The following IREB2 variants were observed in gnomAD, a reference collection of about 807,000 sequenced individuals.
IREB2 encodes iron responsive element binding protein 2.
In IREB2, 39 loss-of-function variants were observed where a neutral mutation model predicts 118.8. That is an observed-to-expected ratio of 0.33 (90% CI 0.25 to 0.43). IREB2 has a LOEUF of 0.43. IREB2 is among the 20% of genes least tolerant of loss of function. The pLI, the probability that IREB2 is intolerant of heterozygous loss-of-function variation, is 1.00. For synonymous variants in IREB2, 372 were observed against 392.2 expected, an observed-to-expected ratio of 0.95 and a Z score of 0.61; for missense variants, 900 against 1,147.3, an observed-to-expected ratio of 0.78 and a Z score of 3.11.
At chr15:78,489,493 ATATT>A (rs553097250) in intron 16 of IREB2, among the ~76,000 whole-genome samples, 2 of 152,110 alleles carry the variant, frequency 1.3e-5, no homozygotes, top group South Asian at 2.1e-4. Flanking sequence ...AAATTATGCA[ATATT>A]TATTATTTTT....
At chr15:78,489,984 T>G (rs16969899) in intron 16 of IREB2, among the ~76,000 whole-genome samples, 24,270 of 152,270 alleles carry the variant, frequency 0.16, 1,992 homozygotes, top group African/African-American at 0.17. Flanking sequence ...CTTTAACTTT[T>G]TTGGACTCTG....
chr15:78,475,080 A>AG (rs2051446230), intron 8 of IREB2: 1 of 151,542 alleles, frequency 6.6e-6, no homozygotes, highest in African/African-American at 2.4e-5. Flanking sequence ...AAAAAAAAAA[A>AG]AAAAAACCAT....
rs1014075603 is a variant in IREB2, at chr15:78,450,874, A to G, written c.106+10993A>G. ...TGTGTGTGTGTGTGTGTGTGTGTGT[A>G]TTTTAATATACAATGTAATGGTGTC... is the stretch of plus-strand genomic sequence containing the variant. On this transcript the variant is annotated intron_variant, in intron 2 of 21. Coordinates refer to ENST00000258886, the MANE Select transcript of IREB2 (RefSeq NM_004136.4). Among the ~76,000 whole-genome samples the G allele has an allele frequency of 4.0e-3, 481 of 119,572 alleles. 3 individuals are homozygous for G. The highest frequency in any genetic ancestry group is 0.015 in the African/African-American group (463 of 31,604). The allele number at this position is 119,572 out of a possible 152,430, so 78.4% of individuals were successfully genotyped here. A position where few individuals can be genotyped will look rare whatever the true frequency, so the allele number is the denominator to read the frequency against.
Position 78,438,435 on chromosome 15 carries a change from C to T in IREB2, c.19+79C>T, listed in dbSNP as rs530262548. 1.5e-5 allele frequency: 22 copies of T among 1,506,180 alleles called. No homozygotes were observed. The Admixed American group carries it at 2.0e-4, about 13-fold the overall frequency. 93.3% of individuals were successfully genotyped at this position (1,506,180 alleles called of 1,614,324 possible). A position where few individuals can be genotyped will look rare whatever the true frequency, so the allele number is the denominator to read the frequency against. On this transcript the variant is annotated intron_variant, in intron 1 of 21. Transcript: ENST00000258886. ...GGCGCCGAATTCCTTGCTTTTCTCG[C>T]CTGGAGTCGCTCGGCAGGCGCCCAG...
At chr15:78,467,448 T>C (rs947833140) in intron 5 of IREB2, among the ~76,000 whole-genome samples, 2 of 152,178 alleles carry the variant, frequency 1.3e-5, no homozygotes, top group Non-Finnish European at 2.9e-5. Flanking sequence ...TTCCAGCACT[T>C]TGGGAGGCCG....
At chr15:78,450,521 C>A (rs1417161480) in intron 2 of IREB2, among the ~76,000 whole-genome samples, 1 of 152,124 alleles carries the variant, frequency 6.6e-6, no homozygotes, top group Non-Finnish European at 1.5e-5. Flanking sequence ...CTCTGGAGTG[C>A]AGGCAGGGAT....
chr15:78,453,221 A>G (rs1455218020), intron 2 of IREB2, among the ~76,000 whole-genome samples: 1 of 152,260 alleles, frequency 6.6e-6, no homozygotes, highest in Non-Finnish European at 1.5e-5. Context: ...TCTTCCAACA[A>G]TATGTTAGAA....
At chr15:78,458,341 A>G (rs749160220) in intron 2 of IREB2, among the ~76,000 whole-genome samples, 4 of 152,206 alleles carry the variant, frequency 2.6e-5, no homozygotes, top group Non-Finnish European at 5.9e-5. Context: ...ATAAATATAC[A>G]GCTCTGGTGG....
intron 21 of IREB2, among the ~76,000 whole-genome samples, chr15:78,497,663 T>G (rs1358305933): frequency 6.6e-6 from 1 of 152,132 alleles, no homozygotes; most frequent in Non-Finnish European, 1.5e-5. Context: ...AGTTGAGCGT[T>G]CAAAGTTAGA....
chr15:78,451,614 T>C (rs2051025746), intron 2 of IREB2, among the ~76,000 whole-genome samples: 1 of 152,174 alleles, frequency 6.6e-6, no homozygotes, highest in Admixed American at 6.5e-5. Context: ...GTATCCCTAA[T>C]CTGAAAATCT....
intron 16 of IREB2, 41 bp downstream of exon 16, chr15:78,488,812 G>A (rs941581952): frequency 1.7e-6 from 2 of 1,206,298 alleles, no homozygotes; most frequent in African/African-American, 1.6e-5. Context: ...TAATCAATTT[G>A]CAGTGTTCTT....
chr15:78,495,578 G>GT, intron 20 of IREB2, among the ~76,000 whole-genome samples: 1 of 152,268 alleles, frequency 6.6e-6, no homozygotes, highest in Admixed American at 6.5e-5. Context: ...GACTCGTTCA[G>GT]TATGTAGACA....
upstream of IREB2, chr15:78,438,059 C>T (rs948035734): frequency 1.4e-5 from 7 of 491,016 alleles, no homozygotes; most frequent in African/African-American, 1.4e-4. Flanking sequence ...CGCCCCCGCT[C>T]GCGAGAACAG....
rs4887060 is a variant in IREB2 at position 78,494,068 on chromosome 15, A to C, written c.2472+12A>C. On this transcript the variant is annotated intron_variant, in intron 19 of 21. Coordinates refer to ENST00000258886, the MANE Select transcript of IREB2 (RefSeq NM_004136.4). ...CATCAGGACAGACGGTGAGAATGCA[A>C]ACAAAGTATTTAGACAATTTATAAC... 0.99 allele frequency: 1,605,447 copies of C among 1,613,748 alleles called. 798,977 individuals are homozygous for C. Among genetic ancestry groups the C allele is most frequent in the East Asian group, 1 (44,866 of 44,866 alleles).
chr15:78,458,307 G>T (rs1413581640), intron 2 of IREB2, among the ~76,000 whole-genome samples: 1 of 152,168 alleles, frequency 6.6e-6, no homozygotes, highest in Non-Finnish European at 1.5e-5. Context: ...ATTGTGATAT[G>T]CTGATACAGG....
At chr15:78,463,123 T>TA (rs772185350) in intron 3 of IREB2, 36 bp downstream of exon 3, 24 of 1,512,698 alleles carry the variant, frequency 1.6e-5, no homozygotes, top group African/African-American at 5.6e-5. Flanking sequence ...AATGAACTCT[T>TA]AGAGTGTGTT....
intron 20 of IREB2, among the ~76,000 whole-genome samples, chr15:78,495,985 T>C (rs2051831754): frequency 6.6e-6 from 1 of 152,182 alleles, no homozygotes; most frequent in Non-Finnish European, 1.5e-5. Context: ...TCTTGTGGAG[T>C]GGGGATTGAG....
At chr15:78,463,229 G>A in intron 3 of IREB2, 142 bp downstream of exon 3, 2 of 723,012 alleles carry the variant, frequency 2.8e-6, no homozygotes, top group South Asian at 4.4e-5. Flanking sequence ...ACTTGAGCCT[G>A]GGAGTTTGCA....
chr15:78,483,873 C>A (rs1431078402), intron 11 of IREB2, among the ~76,000 whole-genome samples: 1 of 142,072 alleles, frequency 7.0e-6, no homozygotes, highest in Non-Finnish European at 1.5e-5. Context: ...AACCTCCCCC[C>A]TCCCGGGCTC....
Sources: allele counts gnomAD v4.1 joint callset (sites outside exome capture counted in the v4.1 genomes callset), GRCh38; gene constraint gnomAD v4.1.1; transcripts MANE v1.5; gene names NCBI Gene and HGNC (gene_info 2026-07-23, HGNC 2026-07-21).